The following CADM1 variants were observed in gnomAD, a reference collection of about 807,000 sequenced individuals.
CADM1 encodes cell adhesion molecule 1, also known as TSLC-1.
CADM1 carries 15 observed loss-of-function variants against 53.1 expected under a neutral mutation model. The observed-to-expected ratio is 0.28, with a 90% confidence interval of 0.19 to 0.44. The LOEUF (loss-of-function observed/expected upper bound fraction) is 0.44, where lower values mean the gene tolerates loss of function less well. CADM1 is among the 20% of genes least tolerant of loss of function. The pLI is 1.00. For synonymous variants in CADM1, 281 were observed against 243.0 expected, an observed-to-expected ratio of 1.16 and a Z score of -1.45; for missense variants, 434 against 611.3, an observed-to-expected ratio of 0.71 and a Z score of 3.06.
intron 9 of CADM1, among the ~76,000 whole-genome samples, chr11:115,196,249 C>A (rs1940140329): frequency 6.6e-6 from 1 of 151,990 alleles, no homozygotes; most frequent in African/African-American, 2.4e-5. Context: ...AGGGAAAGAC[C>A]CGATTAAAAC....
intron 1 of CADM1, among the ~76,000 whole-genome samples, chr11:115,353,346 C>A (rs1945785589): frequency 6.6e-6 from 1 of 152,186 alleles, no homozygotes; most frequent in African/African-American, 2.4e-5. Context: ...ACAGACATCA[C>A]TAGCCACATG....
At chr11:115,383,119 G>C (rs184910815) in intron 1 of CADM1, among the ~76,000 whole-genome samples, 98 of 152,172 alleles carry the variant, frequency 6.4e-4, no homozygotes, top group African/African-American at 2.2e-3. Flanking sequence ...TTGTCTTCCT[G>C]CATGATTCTT....
intron 1 of CADM1, among the ~76,000 whole-genome samples, chr11:115,355,615 A>G (rs868822078): frequency 1.8e-4 from 27 of 152,262 alleles, no homozygotes; most frequent in Middle Eastern, 6.8e-3. Flanking sequence ...CTGACCCTAA[A>G]AAAAAGGTAT....
chr11:115,223,971 A>AGAGAGAGAGAGAG (rs1470723432), intron 5 of CADM1, among the ~76,000 whole-genome samples: 5 of 16,950 alleles, frequency 2.9e-4, no homozygotes, highest in African/African-American at 7.6e-4. Context: ...AAAAAAAAAA[A>AGAGAGAGAGAGAG]AAAGAGAGAG....
intron 1 of CADM1, among the ~76,000 whole-genome samples, chr11:115,353,599 G>T (rs947075883): frequency 7.9e-5 from 12 of 152,100 alleles, no homozygotes; most frequent in African/African-American, 2.4e-4. Context: ...TAGTGCAGTT[G>T]GCCAGAAACT....
chr11:115,190,869 C>T lies in CADM1; in HGVS notation c.1165+19G>A, dbSNP rs754588526. ...ACAGGTTGGACACTGCAGTGCCTTACCTAATGACTAGCCCTTACCTGAGAG... is the reference window on the plus strand; with the variant it reads ...ACAGGTTGGACACTGCAGTGCCTTATCTAATGACTAGCCCTTACCTGAGAG... On this transcript the variant is annotated intron_variant, in intron 10 of 11. Transcript: ENST00000331581. 6.3e-7 allele frequency: 1 copy of T among 1,590,040 alleles called. No homozygotes were observed. The highest frequency in any genetic ancestry group is 8.5e-7 in the Non-Finnish European group (1 of 1,175,332).
At chr11:115,181,742 C>T (rs762321938) in intron 10 of CADM1, among the ~76,000 whole-genome samples, 2 of 152,090 alleles carry the variant, frequency 1.3e-5, no homozygotes, top group Non-Finnish European at 2.9e-5. Flanking sequence ...CATCTCAGTC[C>T]GTTCTTTTAT....
At position 115,176,560 on chromosome 11, in the gene CADM1, C is replaced by A; in HGVS notation, c.1330G>T (p.Asp444Tyr). ...GCTGTGTCTGCGTCTGCTGCGTCATCGGCTCCTTTGGCTTCATGAGTGAAG... is the reference window on the plus strand; with the variant it reads ...GCTGTGTCTGCGTCTGCTGCGTCATAGGCTCCTTTGGCTTCATGAGTGAAG... ...TYFTHEAKGA[D>Y]DAADADTAII... The change falls in exon 12 of 12, where the codon GAT becomes TAT. Residue 444 changes from aspartate to tyrosine, a missense_variant. This residue lies in a region of CADM1 where 16 missense variants were observed against 41.8 expected (regional missense o/e 0.38). Transcript: ENST00000331581. 2 of 1,614,072 alleles carry A rather than the reference C, an allele frequency of 1.2e-6. No individual in the cohort carries two copies. Among genetic ancestry groups the A allele is most frequent in the African/African-American group, 1.3e-5 (1 of 75,030 alleles).
At chr11:115,469,924 C>T (rs192625520) in intron 1 of CADM1, among the ~76,000 whole-genome samples, 2 of 152,176 alleles carry the variant, frequency 1.3e-5, no homozygotes, top group Admixed American at 6.5e-5. Flanking sequence ...CCACCCGCCT[C>T]GGCCTCCCAA....
intron 1 of CADM1, among the ~76,000 whole-genome samples, chr11:115,466,855 A>C (rs1948909209): frequency 6.6e-6 from 1 of 152,210 alleles, no homozygotes; most frequent in South Asian, 2.1e-4. Context: ...ATTGAATCGT[A>C]GGTCTCAGAT....
intron 1 of CADM1, among the ~76,000 whole-genome samples, chr11:115,267,494 C>A (rs899660936): frequency 6.6e-6 from 1 of 152,072 alleles, no homozygotes; most frequent in Non-Finnish European, 1.5e-5. Context: ...GAATGAAATG[C>A]CACTTAGGAA....
At chr11:115,222,874 T>G (rs1396597222) in intron 5 of CADM1, among the ~76,000 whole-genome samples, 2 of 152,210 alleles carry the variant, frequency 1.3e-5, no homozygotes, top group Non-Finnish European at 2.9e-5. Context: ...GAAGCAATTC[T>G]CATCATTTGT....
At chr11:115,347,211 A>C (rs1945602619) in intron 1 of CADM1, among the ~76,000 whole-genome samples, 2 of 152,014 alleles carry the variant, frequency 1.3e-5, no homozygotes, top group African/African-American at 4.8e-5. Context: ...TTCCTGCGCC[A>C]AAGACAATCC....
At chr11:115,364,087 T>C (rs1013583) in intron 1 of CADM1, among the ~76,000 whole-genome samples, 49,917 of 151,940 alleles carry the variant, frequency 0.33, 9,157 homozygotes, top group Non-Finnish European at 0.43. Context: ...TATGATGACA[T>C]TGCCTAACAA....
intron 8 of CADM1, among the ~76,000 whole-genome samples, chr11:115,201,431 C>T (rs2134692976): frequency 6.6e-6 from 1 of 152,318 alleles, no homozygotes; most frequent in Admixed American, 6.5e-5. Context: ...TGCGTTATGA[C>T]TTCATGCAGA....
chr11:115,444,132 A>G (rs1489558221), intron 1 of CADM1, among the ~76,000 whole-genome samples: 1 of 152,224 alleles, frequency 6.6e-6, no homozygotes, highest in Admixed American at 6.5e-5. Flanking sequence ...TATAGCTTCC[A>G]GAGAAAACCA....
chr11:115,201,885 G>GA (rs1300534467), intron 8 of CADM1, among the ~76,000 whole-genome samples: 1 of 152,020 alleles, frequency 6.6e-6, no homozygotes, highest in African/African-American at 2.4e-5. Flanking sequence ...ATATGGCCAA[G>GA]AAAAAACAAT....
chr11:115,323,558 C>T (rs1193021814), intron 1 of CADM1, among the ~76,000 whole-genome samples: 1 of 152,006 alleles, frequency 6.6e-6, no homozygotes, highest in Non-Finnish European at 1.5e-5. Flanking sequence ...ATTTCTGGAG[C>T]TAAATGATGC....
chr11:115,320,554 A>G (rs1160478098), intron 1 of CADM1, among the ~76,000 whole-genome samples: 1 of 152,108 alleles, frequency 6.6e-6, no homozygotes, highest in Non-Finnish European at 1.5e-5. Context: ...GTATTTCCCT[A>G]TACTGTATTA....
Sources: gnomAD v4.1 joint callset for allele counts (sites outside exome capture counted in the v4.1 genomes callset) on GRCh38, gnomAD v4.1.1 for gene constraint, gnomAD v4.1.1 regional missense constraint, MANE v1.5 for transcripts, NCBI Gene and HGNC (gene_info 2026-07-23, HGNC 2026-07-21) for gene names.